FAM20A: variants seen among roughly 807,000 people sequenced by gnomAD.
FAM20A encodes FAM20A golgi associated secretory pathway pseudokinase.
FAM20A carries 42 observed loss-of-function variants against 52.0 expected under a neutral mutation model. The ratio of observed to expected loss-of-function variants is 0.81; its 90% CI spans 0.63 to 1.04. The LOEUF (loss-of-function observed/expected upper bound fraction) is 1.04, where lower values mean the gene tolerates loss of function less well. Ranked by LOEUF, FAM20A falls within the 50% of genes least tolerant of loss-of-function variation. The pLI is 0.00. For missense variants in FAM20A, 742 were observed against 712.7 expected (o/e 1.04, Z -0.47); for synonymous variants, 304 against 298.9 (o/e 1.02, Z -0.18).
chr17:68,571,183 C>T (rs1391514530), intron 1 of FAM20A, among the ~76,000 whole-genome samples: 2 of 152,134 alleles, frequency 1.3e-5, no homozygotes, highest in Admixed American at 6.5e-5. Flanking sequence ...TTGTGCTATA[C>T]CATCAGAAGA....
chr17:68,599,155 G>C (rs1218217621), intron 1 of FAM20A, among the ~76,000 whole-genome samples: 3 of 151,974 alleles, frequency 2.0e-5, no homozygotes, highest in African/African-American at 7.3e-5. Context: ...ACAAAATAAT[G>C]AGCAAACAGT....
intron 1 of FAM20A, among the ~76,000 whole-genome samples, chr17:68,568,207 C>T (rs944504588): frequency 6.6e-6 from 1 of 151,906 alleles, no homozygotes; most frequent in Non-Finnish European, 1.5e-5. Flanking sequence ...CAGTGGCTCA[C>T]GCCTGTAATC....
At chr17:68,591,769 C>T (rs67000278) in intron 1 of FAM20A, 30,784 of 152,210 alleles carry the variant, frequency 0.2, 3,491 homozygotes, top group Admixed American at 0.31. Flanking sequence ...GAAGGTCACC[C>T]CGTTTGCGTG....
At chr17:68,586,463 A>G (rs2143888376) in intron 1 of FAM20A, among the ~76,000 whole-genome samples, 1 of 152,354 alleles carries the variant, frequency 6.6e-6, no homozygotes, top group South Asian at 2.1e-4. Context: ...GGATCTTGAG[A>G]TGAGATCATC....
chr17:68,597,869 CCT>C (rs1395604672), intron 1 of FAM20A, among the ~76,000 whole-genome samples: 3 of 152,108 alleles, frequency 2.0e-5, no homozygotes, highest in African/African-American at 7.2e-5. Context: ...TGGCAGGCCC[CCT>C]GTCTTCATCA....
At position 68,540,838 on chromosome 17, in the gene FAM20A, T is replaced by TG. The variant is rs748321216; in HGVS notation, c.1219+10dup. On this transcript the variant is annotated intron_variant, in intron 8 of 10. Coordinates refer to ENST00000592554, the MANE Select transcript of FAM20A (RefSeq NM_017565.4). Reference sequence around the variant, plus strand: ...CCCACTTCTGCTGGGGGCCTGCGTGTGGGGACCTACCTATCAAGAAGTCGA... The same window carrying TG: ...CCCACTTCTGCTGGGGGCCTGCGTGTGGGGGACCTACCTATCAAGAAGTCGA... 1.9e-6 allele frequency: 3 copies of TG among 1,589,574 alleles called. No individual in the cohort carries two copies. The Admixed American group carries it at 5.3e-5, about 28-fold the overall frequency.
At chr17:68,573,432 TTCTC>T (rs1273636252) in intron 1 of FAM20A, among the ~76,000 whole-genome samples, 3 of 132,538 alleles carry the variant, frequency 2.3e-5, no homozygotes, top group African/African-American at 6.4e-5. Context: ...TTTCTTTCCT[TTCTC>T]TTTCTTTCTT....
chr17:68,592,564 T>C (rs1306529041), intron 1 of FAM20A, among the ~76,000 whole-genome samples: 2 of 152,354 alleles, frequency 1.3e-5, no homozygotes, highest in Admixed American at 6.5e-5. Context: ...ATCTGAGAGC[T>C]GCGCTTCACT....
chr17:68,535,826 C>T lies in FAM20A; in HGVS notation c.*1651G>A, dbSNP rs1197576245. On this transcript the variant is annotated 3_prime_UTR_variant, in exon 11 of 11. Coordinates refer to ENST00000592554, the MANE Select transcript of FAM20A (RefSeq NM_017565.4). The stretch of plus-strand genomic sequence containing the variant: ...CCAGCTGATTTTTTTTTTAAGCAAA[C>T]AAATTTGACTTCATAAATTGGGTGG... 2.2e-6 allele frequency: 1 copy of T among 453,714 alleles called. No homozygotes were observed. The allele number at this position is 453,714 out of a possible 1,614,324, so 28.1% of individuals were successfully genotyped here.
At chr17:68,581,374 CT>C (rs1176766969) in intron 1 of FAM20A, among the ~76,000 whole-genome samples, 1 of 141,916 alleles carries the variant, frequency 7.0e-6, no homozygotes, top group Non-Finnish European at 1.5e-5. Flanking sequence ...TTCTTTCTTT[CT>C]TTCTTTCTTT....
chr17:68,579,971 C>T (rs1228854224), intron 1 of FAM20A, among the ~76,000 whole-genome samples: 1 of 151,924 alleles, frequency 6.6e-6, no homozygotes, highest in African/African-American at 2.4e-5. Flanking sequence ...ACTTATTGAA[C>T]ATAGGATGTG....
chr17:68,597,726 G>A (rs1333969461), intron 1 of FAM20A, among the ~76,000 whole-genome samples: 1 of 152,132 alleles, frequency 6.6e-6, no homozygotes, highest in African/African-American at 2.4e-5. Flanking sequence ...TATTGGCAGG[G>A]CTACAAACAA....
intron 7 of FAM20A, chr17:68,541,164 T>A: frequency 1.6e-6 from 1 of 623,112 alleles, no homozygotes; most frequent in South Asian, 1.9e-5. Context: ...GTCCTTTAAG[T>A]CTGGTGGACA....
chr17:68,539,340 C>T lies in FAM20A; in HGVS notation c.1358G>A (p.Cys453Tyr). The T allele has an allele frequency of 2.5e-6, 4 of 1,614,174 alleles. No individual in the cohort carries two copies. The highest frequency in any genetic ancestry group is 3.4e-6 in the Non-Finnish European group (4 of 1,180,018). Residue 453 changes from cysteine to tyrosine, a missense_variant, in exon 10 of 11, where the codon TGC becomes TAC. Transcript: ENST00000592554. Reference protein sequence around the residue: ...ISILSPLSQCCMIKKKTLLHL... With the variant: ...ISILSPLSQCYMIKKKTLLHL... ...TATCTGCTGCAGGAAAACTTACATG[C>T]AGCACTGGGAGAGAGGCGAGAGGAT...
At position 68,555,696 on chromosome 17, in the gene FAM20A, G is replaced by C. The variant is rs755858916; in HGVS notation, c.452C>G (p.Pro151Arg). ...GGCCTCGAGTCGGAGCTGCAGTGGGGGGTCCAGGGAGGTAAGGTTCATCTG... is the reference window on the plus strand; with the variant it reads ...GGCCTCGAGTCGGAGCTGCAGTGGGCGGTCCAGGGAGGTAAGGTTCATCTG... Reference protein sequence around the residue: ...REQMNLTSLDPPLQLRLEASW... With the variant: ...REQMNLTSLDRPLQLRLEASW... Residue 151 changes from proline (P) to arginine (R), a missense_variant, in exon 2 of 11, where the codon CCC becomes CGC. Coordinates refer to ENST00000592554, the MANE Select transcript of FAM20A (RefSeq NM_017565.4). 1.9e-5 allele frequency: 31 copies of C among 1,613,958 alleles called. No homozygotes were observed. In the South Asian group the frequency reaches 3.3e-4, roughly 17 times the overall value.
At chr17:68,593,161 C>A (rs2088359497) in intron 1 of FAM20A, among the ~76,000 whole-genome samples, 1 of 152,232 alleles carries the variant, frequency 6.6e-6, no homozygotes, top group African/African-American at 2.4e-5. Context: ...CTAGTAACTT[C>A]TGTTCTGCTA....
chr17:68,598,020 T>C (rs1317285178), intron 1 of FAM20A: 2 of 151,616 alleles, frequency 1.3e-5, no homozygotes, highest in East Asian at 1.9e-4. Context: ...TTTTTTTTTT[T>C]TCTGAGGCAA....
At chr17:68,564,824 A>G (rs1051297035) in intron 1 of FAM20A, among the ~76,000 whole-genome samples, 4 of 152,038 alleles carry the variant, frequency 2.6e-5, no homozygotes, top group African/African-American at 2.4e-5. Flanking sequence ...GAGGGTGCCA[A>G]TCTGCACCCT....
intron 5 of FAM20A, 83 bp from the exon 6 acceptor site, chr17:68,542,892 T>G: frequency 9.4e-7 from 1 of 1,066,036 alleles, no homozygotes; most frequent in Non-Finnish European, 1.4e-6. Context: ...CAGTGCACAT[T>G]AGGAATTGGC....
Sources: allele counts gnomAD v4.1 joint callset (sites outside exome capture counted in the v4.1 genomes callset), GRCh38; gene constraint gnomAD v4.1.1; transcripts MANE v1.5; gene names NCBI Gene and HGNC (gene_info 2026-07-23, HGNC 2026-07-21).